IDH3A: variants seen among roughly 807,000 people sequenced by gnomAD.
IDH3A encodes isocitrate dehydrogenase (NAD(+)) 3 catalytic subunit alpha, also known as isocitrate dehydrogenase [NAD] subunit alpha, mitochondrial.
IDH3A carries 23 observed loss-of-function variants against 43.3 expected under a neutral mutation model. The ratio of observed to expected loss-of-function variants is 0.53; its 90% CI spans 0.38 to 0.75. The LOEUF (loss-of-function observed/expected upper bound fraction) is 0.75. Ranked by LOEUF, IDH3A falls within the 30% of genes least tolerant of loss-of-function variation. The pLI is 0.00. For synonymous variants in IDH3A, 154 were observed against 163.5 expected (o/e 0.94, Z 0.44); for missense variants, 329 against 474.4 (o/e 0.69, Z 2.85).
In IDH3A at chr15:78,155,262, G is replaced by GT. The variant is rs1391416524; in HGVS notation, c.81dup (p.Thr28TyrfsTer28). ...CACAACCCAAAACAGGTGACCAGAGGTTTTACTGGTGGTGTGAGTATAATT... is the reference window on the plus strand; with the variant it reads ...CACAACCCAAAACAGGTGACCAGAGGTTTTTACTGGTGGTGTGAGTATAATT... On this transcript the variant is annotated frameshift_variant, in exon 2 of 11. Transcript: ENST00000299518. LOFTEE classifies it high-confidence loss of function. 6.2e-7 allele frequency: 1 copy of GT among 1,611,074 alleles called. No individual in the cohort carries two copies. The highest frequency in any genetic ancestry group is 8.5e-7 in the Non-Finnish European group (1 of 1,177,478).
rs1159850898 is a variant in IDH3A, at chr15:78,171,001, G to A, written c.*1996G>A. 1 of 153,966 alleles carries A rather than the reference G, an allele frequency of 6.5e-6. No individual in the cohort carries two copies. Among genetic ancestry groups the A allele is most frequent in the East Asian group, 1.9e-4 (1 of 5,228 alleles). 9.5% of individuals were successfully genotyped at this position (153,966 alleles called of 1,614,324 possible). On this transcript the variant is annotated 3_prime_UTR_variant, in exon 11 of 11. Coordinates refer to ENST00000299518, the MANE Select transcript of IDH3A (RefSeq NM_005530.3). The stretch of plus-strand genomic sequence containing the variant: ...GTCGGCGATGCCCGCCAAGATTCCA[G>A]AGTAAGTCAGGTCGCTAGGTGAGTT...
chr15:78,165,366 A>G (rs950353679), intron 9 of IDH3A, among the ~76,000 whole-genome samples: 2 of 151,104 alleles, frequency 1.3e-5, no homozygotes, highest in East Asian at 2.0e-4. Context: ...TAATTTTTGT[A>G]TTTTAGTAGA....
chr15:78,171,531 T>C lies in IDH3A; in HGVS notation c.*2526T>C. ...GCCGTTTCAGTTTCATCGTGGGACC[T>C]AAAAGGGAAATGAGAAGAAATGAGT... On this transcript the variant is annotated 3_prime_UTR_variant, in exon 11 of 11. Coordinates refer to ENST00000299518, the MANE Select transcript of IDH3A (RefSeq NM_005530.3). 6.2e-7 allele frequency: 1 copy of C among 1,613,518 alleles called. No homozygotes were observed. Among genetic ancestry groups the C allele is most frequent in the South Asian group, 1.1e-5 (1 of 91,054 alleles).
intron 3 of IDH3A, among the ~76,000 whole-genome samples, chr15:78,158,448 C>CATACATATATATATAT (rs1555429600): frequency 5.0e-4 from 14 of 28,238 alleles, no homozygotes; most frequent in Admixed American, 1.3e-3. Context: ...TACATACATA[C>CATACATATATATATAT]ATATATATAT....
In IDH3A at chr15:78,170,762, T is replaced by A. The variant is rs1790387270; in HGVS notation, c.*1757T>A. The A allele has an allele frequency of 6.5e-6, 1 of 152,698 alleles. No individual in the cohort carries two copies. Among genetic ancestry groups the A allele is most frequent in the African/African-American group, 2.4e-5 (1 of 41,464 alleles). 9.5% of individuals were successfully genotyped at this position (152,698 alleles called of 1,614,324 possible). On this transcript the variant is annotated 3_prime_UTR_variant, in exon 11 of 11. Coordinates refer to ENST00000299518, the MANE Select transcript of IDH3A (RefSeq NM_005530.3). ...CACTAATGGTCACTCGCATGCCCGC[T>A]GTGCACAGTCCTGTGAGTTAAATGC...
At position 78,155,245 on chromosome 15, in the gene IDH3A, A is replaced by C. The variant is rs1459167577; in HGVS notation, c.60A>C (p.Pro20=). ...GGCTGCTGGGGGCATTCCACAACCC[A>C]AAACAGGTGACCAGAGGTTTTACTG... ...VSRLLGAFHN[P]KQVTRGFTGG... The change falls in exon 2 of 11, where the codon CCA becomes CCC. Residue 20 remains proline (P), a synonymous_variant. Coordinates refer to ENST00000299518, the MANE Select transcript of IDH3A (RefSeq NM_005530.3). 6.2e-7 allele frequency: 1 copy of C among 1,612,786 alleles called. No individual in the cohort carries two copies. Among genetic ancestry groups the C allele is most frequent in the East Asian group, 2.2e-5 (1 of 44,880 alleles).
At chr15:78,154,185 A>G (rs2074604363) in intron 1 of IDH3A, among the ~76,000 whole-genome samples, 1 of 122,426 alleles carries the variant, frequency 8.2e-6, no homozygotes. Context: ...TTAATTGGAG[A>G]GAGAAAAAAA....
intron 10 of IDH3A, among the ~76,000 whole-genome samples, chr15:78,166,728 T>C (rs927062593): frequency 1.3e-5 from 2 of 152,010 alleles, no homozygotes; most frequent in African/African-American, 4.8e-5. Flanking sequence ...ACCTCCCGGG[T>C]TCAAGCAGTT....
At position 78,166,165 on chromosome 15, in the gene IDH3A, C is replaced by T; in HGVS notation, c.880C>T (p.Pro294Ser). ...CGATGTGTAGGTTCATGGGACGGCT[C>T]CAGACATTGCAGGCAAGGACATGGC... ...AIFESVHGTA[P>S]DIAGKDMANP... The change falls in exon 10 of 11, where the codon CCA becomes TCA. Residue 294 changes from proline (P) to serine (S), a missense_variant. Around this residue, in one of 3 missense-constraint regions of IDH3A, gnomAD observed 91 missense variants for 111.6 expected, o/e 0.82. Transcript: ENST00000299518. The T allele has an allele frequency of 6.2e-7, 1 of 1,614,082 alleles. No homozygotes were observed. The highest frequency in any genetic ancestry group is 8.5e-7 in the Non-Finnish European group (1 of 1,179,968).
At chr15:78,156,811 A>T in intron 2 of IDH3A, 1 of 994,404 alleles carries the variant, frequency 1.0e-6, no homozygotes, top group Non-Finnish European at 1.4e-6. Flanking sequence ...CCTTAGAATA[A>T]ATCATTGCTG....
chr15:78,150,122 A>T (rs1360032701), intron 1 of IDH3A, among the ~76,000 whole-genome samples: 1 of 152,118 alleles, frequency 6.6e-6, no homozygotes, highest in Non-Finnish European at 1.5e-5. Flanking sequence ...TTTACCTTTC[A>T]TTGGTGGGAA....
chr15:78,166,426 A>G, intron 10 of IDH3A, 124 bp downstream of exon 10: 1 of 970,040 alleles, frequency 1.0e-6, no homozygotes, highest in Non-Finnish European at 1.6e-6. Context: ...ATGTTGAACA[A>G]GGATTCTTAA....
rs199857658 is a variant in IDH3A, at chr15:78,149,416, G to A, written c.13G>A (p.Ala5Thr). The change falls in exon 1 of 11, where the codon GCG becomes ACG. Residue 5 changes from alanine to threonine, a missense_variant. Coordinates refer to ENST00000299518, the MANE Select transcript of IDH3A (RefSeq NM_005530.3). ...AGGAGGGGAAGCGATGGCTGGGCCC[G>A]CGTGGATCTCTAAGGTGAGCGCTGG... is the stretch of plus-strand genomic sequence containing the variant. MAGP[A>T]WISKVSRLLG... 1.3e-6 allele frequency: 2 copies of A among 1,553,754 alleles called. No individual in the cohort carries two copies. Among genetic ancestry groups the A allele is most frequent in the Admixed American group, 1.8e-5 (1 of 54,968 alleles).
intron 9 of IDH3A, among the ~76,000 whole-genome samples, chr15:78,165,443 G>T (rs764999082): frequency 6.6e-6 from 1 of 151,806 alleles, no homozygotes; most frequent in Non-Finnish European, 1.5e-5. Context: ...CATCCGCCTT[G>T]GCCTCCCAAA....
intron 1 of IDH3A, among the ~76,000 whole-genome samples, chr15:78,150,453 C>T (rs948528641): frequency 2.6e-5 from 4 of 152,186 alleles, no homozygotes; most frequent in Non-Finnish European, 5.9e-5. Flanking sequence ...CTACTTTTCT[C>T]CCATTTTTTC....
intron 4 of IDH3A, among the ~76,000 whole-genome samples, 170 bp downstream of exon 4, chr15:78,160,376 T>G (rs1470340231): frequency 1.3e-5 from 2 of 152,202 alleles, no homozygotes; most frequent in Non-Finnish European, 2.9e-5. Context: ...TTGGGACATT[T>G]TTTTCCCCCA....
chr15:78,162,503 T>A, intron 6 of IDH3A, 136 bp downstream of exon 6: 1 of 873,076 alleles, frequency 1.1e-6, no homozygotes, highest in Non-Finnish European at 1.7e-6. Context: ...AATCCAAAGA[T>A]ACGGCATCTC....
At chr15:78,159,867 C>A (rs561544071) in intron 3 of IDH3A, 5 of 431,884 alleles carry the variant, frequency 1.2e-5, no homozygotes, top group Non-Finnish European at 1.7e-5. Context: ...TGGTGGTGGG[C>A]GCCTGTAATC....
chr15:78,168,046 G>A (rs1479363305), intron 10 of IDH3A: 1 of 152,082 alleles, frequency 6.6e-6, no homozygotes, highest in African/African-American at 2.4e-5. Context: ...TAAATATATT[G>A]GGGTCTGTAT....
Sources: allele counts gnomAD v4.1 joint callset (sites outside exome capture counted in the v4.1 genomes callset), GRCh38; gene constraint gnomAD v4.1.1; regional missense constraint gnomAD v4.1.1; transcripts MANE v1.5; gene names NCBI Gene and HGNC (gene_info 2026-07-23, HGNC 2026-07-21).